NWD2: variants seen among roughly 807,000 people sequenced by gnomAD.
The protein encoded by NWD2 is NACHT and WD repeat domain containing 2, also known as NACHT and WD repeat domain-containing protein 2.
NWD2 carries 37 observed loss-of-function variants against 132.7 expected under a neutral mutation model. The observed-to-expected ratio is 0.28, with a 90% CI of 0.21 to 0.37. NWD2 has a LOEUF of 0.37. Among genes scored for constraint, NWD2 ranks in the 10% least tolerant of loss-of-function variants. NWD2 has a pLI of 1.00. For missense variants in NWD2, 1,592 were observed against 2,122.4 expected (o/e 0.75, Z 4.91); for synonymous variants, 705 against 803.0 (o/e 0.88, Z 2.06).
intron 3 of NWD2, among the ~76,000 whole-genome samples, chr4:37,394,015 G>C (rs367838705): frequency 5.9e-5 from 9 of 152,230 alleles, no homozygotes; most frequent in African/African-American, 1.9e-4. Context: ...ATTAATTGGG[G>C]AAGAGAAACC....
At chr4:37,251,040 C>G (rs1021550429) in intron 1 of NWD2, among the ~76,000 whole-genome samples, 9 of 152,170 alleles carry the variant, frequency 5.9e-5, no homozygotes, top group Non-Finnish European at 1.2e-4. Flanking sequence ...TTTGGGATAC[C>G]AAGGTGAGTG....
intron 2 of NWD2, among the ~76,000 whole-genome samples, chr4:37,330,199 T>C (rs148106887): frequency 6.6e-6 from 1 of 152,166 alleles, no homozygotes; most frequent in African/African-American, 2.4e-5. Context: ...TACACTAGAC[T>C]CCGATTATGT....
At chr4:37,361,563 A>G (rs375486238) in intron 3 of NWD2, among the ~76,000 whole-genome samples, 1 of 152,206 alleles carries the variant, frequency 6.6e-6, no homozygotes, top group South Asian at 2.1e-4. Flanking sequence ...ACACACCCAC[A>G]TAAACAGAGT....
At chr4:37,351,007 G>A (rs1270507714) in intron 2 of NWD2, among the ~76,000 whole-genome samples, 1 of 152,082 alleles carries the variant, frequency 6.6e-6, no homozygotes, top group Non-Finnish European at 1.5e-5. Flanking sequence ...TGTTGAACCA[G>A]CCTTGCATCC....
At chr4:37,373,647 T>G (rs867805615) in intron 3 of NWD2, among the ~76,000 whole-genome samples, 1 of 152,206 alleles carries the variant, frequency 6.6e-6, no homozygotes, top group African/African-American at 2.4e-5. Context: ...AAGACCCAAT[T>G]CAATCTACTA....
chr4:37,395,955 G>C (rs113615605), intron 3 of NWD2, among the ~76,000 whole-genome samples: 29 of 151,986 alleles, frequency 1.9e-4, no homozygotes, highest in Admixed American at 5.9e-4. Flanking sequence ...TGTCTGAGAT[G>C]TATTGCTTCC....
At chr4:37,412,861 A>T (rs1721190363) in intron 3 of NWD2, among the ~76,000 whole-genome samples, 1 of 152,228 alleles carries the variant, frequency 6.6e-6, no homozygotes, top group Non-Finnish European at 1.5e-5. Flanking sequence ...GACAATCCTG[A>T]CACAAACAAG....
rs144041603 is a variant in NWD2, at chr4:37,358,131, G to A, written c.357+1649G>A. 1.7e-4 allele frequency among the ~76,000 whole-genome samples: 26 copies of A among 152,260 alleles called. No homozygotes were observed. The East Asian group carries it at 4.8e-3, about 28-fold the overall frequency. On this transcript the variant is annotated intron_variant, in intron 3 of 6. Transcript: ENST00000309447. ...ATTGGGAACCATCGATTTTGGAAAGGTAATTTCAGTAAGACAATTCAATTC... is the reference window on the plus strand; with the variant it reads ...ATTGGGAACCATCGATTTTGGAAAGATAATTTCAGTAAGACAATTCAATTC...
At chr4:37,331,797 G>A (rs191222300) in intron 2 of NWD2, among the ~76,000 whole-genome samples, 2 of 152,356 alleles carry the variant, frequency 1.3e-5, no homozygotes, top group African/African-American at 4.8e-5. Context: ...AGGAAAGACA[G>A]TCTTGAATTT....
intron 1 of NWD2, among the ~76,000 whole-genome samples, chr4:37,270,217 C>CAACTATT (rs1717839390): frequency 6.6e-6 from 1 of 151,676 alleles, no homozygotes; most frequent in South Asian, 2.1e-4. Flanking sequence ...ATAAGGTTAA[C>CAACTATT]CATGCTCATA....
intron 1 of NWD2, among the ~76,000 whole-genome samples, chr4:37,274,336 A>G (rs981166452): frequency 1.3e-5 from 2 of 152,220 alleles, no homozygotes. Flanking sequence ...TTTAGAAGAA[A>G]TGGATAAATT....
At chr4:37,245,336 A>G in intron 1 of NWD2, 118 bp downstream of exon 1, 2 of 1,227,520 alleles carry the variant, frequency 1.6e-6, no homozygotes, top group East Asian at 2.7e-5. Flanking sequence ...CTCCAGCTAA[A>G]GCCGTGGCCG....
intron 3 of NWD2, among the ~76,000 whole-genome samples, chr4:37,356,972 G>A (rs1719882995): frequency 6.6e-6 from 1 of 152,168 alleles, no homozygotes; most frequent in Admixed American, 6.5e-5. Context: ...TGTTTCTACA[G>A]TGATTTTCAG....
At chr4:37,253,312 G>A (rs1289243756) in intron 1 of NWD2, among the ~76,000 whole-genome samples, 1 of 152,172 alleles carries the variant, frequency 6.6e-6, no homozygotes, top group African/African-American at 2.4e-5. Flanking sequence ...ATGCCTTCAT[G>A]CATCCTAATA....
chr4:37,269,645 A>G (rs79417932), intron 1 of NWD2, among the ~76,000 whole-genome samples: 78 of 152,002 alleles, frequency 5.1e-4, no homozygotes, highest in African/African-American at 1.8e-3. Flanking sequence ...GGTTTTGAAG[A>G]TTTATTATGG....
intron 3 of NWD2, among the ~76,000 whole-genome samples, chr4:37,415,039 CTTTA>C (rs1265284512): frequency 3.9e-5 from 6 of 152,160 alleles, no homozygotes; most frequent in African/African-American, 9.7e-5. Context: ...ATTCAATGTC[CTTTA>C]TTTAAGACAT....
chr4:37,285,554 C>G (rs1426504529), intron 1 of NWD2, among the ~76,000 whole-genome samples: 1 of 152,032 alleles, frequency 6.6e-6, no homozygotes, highest in Admixed American at 6.6e-5. Context: ...GGATTGTTCT[C>G]ACAAATTTTA....
chr4:37,335,591 G>A (rs1438372136), intron 2 of NWD2, among the ~76,000 whole-genome samples: 1 of 152,056 alleles, frequency 6.6e-6, no homozygotes. Context: ...CATGGCAGGA[G>A]GTGAGCAGTG....
rs1270949828 is a variant in NWD2 at position 37,433,926 on chromosome 4, A to G, written c.612A>G (p.Ser204=). Residue 204 remains serine (S), a synonymous_variant, in exon 5 of 7, where the codon TCA becomes TCG. Coordinates refer to ENST00000309447, the MANE Select transcript of NWD2 (RefSeq NM_001144990.2). The part of the protein sequence containing the change: ...AENEKTWQEI[S]DEIKKIFKAA... ...ACGAGAAGACATGGCAAGAGATATC[A>G]GATGAGATCAAGAAGATATTTAAGG... The G allele has an allele frequency of 6.5e-7, 1 of 1,549,398 alleles. No homozygotes were observed. The highest frequency in any genetic ancestry group is 8.7e-7 in the Non-Finnish European group (1 of 1,145,432).
Sources: allele counts gnomAD v4.1 joint callset (sites outside exome capture counted in the v4.1 genomes callset), GRCh38; gene constraint gnomAD v4.1.1; transcripts MANE v1.5; gene names NCBI Gene and HGNC (gene_info 2026-07-23, HGNC 2026-07-21).